The following GRM8 variants were observed in gnomAD, a reference collection of about 807,000 sequenced individuals.
GRM8 encodes the protein glutamate metabotropic receptor 8, also known as metabotropic glutamate receptor 8.
A neutral mutation model predicts 87.2 loss-of-function variants in GRM8; 47 were observed. That is an observed-to-expected ratio of 0.54 (90% CI 0.43 to 0.69). GRM8 has a LOEUF of 0.69. Among genes scored for constraint, GRM8 ranks in the 30% least tolerant of loss-of-function variants. The pLI is 0.00. For synonymous variants in GRM8, 396 were observed against 404.5 expected, an observed-to-expected ratio of 0.98 and a Z score of 0.25; for missense variants, 1,019 against 1,139.2, an observed-to-expected ratio of 0.89 and a Z score of 1.52.
At chr7:126,797,553 G>A (rs1822099404) in intron 6 of GRM8, among the ~76,000 whole-genome samples, 1 of 151,966 alleles carries the variant, frequency 6.6e-6, no homozygotes, top group Admixed American at 6.6e-5. Flanking sequence ...CCAGCAGTGT[G>A]CAAATTTATC....
At chr7:126,939,126 T>C (rs971399727) in intron 3 of GRM8, among the ~76,000 whole-genome samples, 6 of 152,172 alleles carry the variant, frequency 3.9e-5, no homozygotes, top group Admixed American at 3.9e-4. Flanking sequence ...CATTGTTCTA[T>C]GAGACTGACC....
intron 2 of GRM8, among the ~76,000 whole-genome samples, chr7:127,137,865 A>G (rs1265174561): frequency 1.3e-5 from 2 of 152,190 alleles, no homozygotes; most frequent in Non-Finnish European, 2.9e-5. Flanking sequence ...GTGAAAAAGT[A>G]AAGAAATTAA....
intron 8 of GRM8, among the ~76,000 whole-genome samples, chr7:126,606,880 C>T (rs749936951): frequency 2.0e-5 from 3 of 152,000 alleles, no homozygotes; most frequent in Admixed American, 6.6e-5. Flanking sequence ...CTACATTATG[C>T]GTATATGGCG....
intron 7 of GRM8, among the ~76,000 whole-genome samples, chr7:126,614,023 A>G (rs1799190505): frequency 1.3e-5 from 2 of 152,192 alleles, no homozygotes; most frequent in South Asian, 4.1e-4. Flanking sequence ...AGCTTTGAAG[A>G]GAGTAGTGGT....
chr7:126,743,016 A>T (rs1815195981), intron 7 of GRM8, among the ~76,000 whole-genome samples: 1 of 152,124 alleles, frequency 6.6e-6, no homozygotes, highest in African/African-American at 2.4e-5. Flanking sequence ...AAATTTGTTG[A>T]AATCATATTT....
intron 3 of GRM8, among the ~76,000 whole-genome samples, chr7:127,093,007 C>T (rs1211738967): frequency 1.3e-5 from 2 of 152,216 alleles, no homozygotes; most frequent in Admixed American, 1.3e-4. Context: ...CATGTTCTTT[C>T]TTATTCAAAT....
intron 9 of GRM8, among the ~76,000 whole-genome samples, chr7:126,498,643 G>C (rs1314773386): frequency 6.6e-6 from 1 of 151,930 alleles, no homozygotes; most frequent in Non-Finnish European, 1.5e-5. Flanking sequence ...TCTGATTAAT[G>C]AGCTGGCAGT....
At chr7:127,073,517 C>A (rs1284721552) in intron 3 of GRM8, among the ~76,000 whole-genome samples, 1 of 152,110 alleles carries the variant, frequency 6.6e-6, no homozygotes, top group Non-Finnish European at 1.5e-5. Context: ...TCTGCATCAC[C>A]CACAAGACTC....
chr7:126,766,796 G>A (rs1284906944), intron 7 of GRM8, among the ~76,000 whole-genome samples: 1 of 152,090 alleles, frequency 6.6e-6, no homozygotes, highest in East Asian at 1.9e-4. Context: ...AGGGAGGTGG[G>A]TCAGCTGTCC....
chr7:126,523,498 ATTT>A (rs34139224), intron 9 of GRM8, among the ~76,000 whole-genome samples: 2 of 141,900 alleles, frequency 1.4e-5, no homozygotes, highest in Non-Finnish European at 1.6e-5. Context: ...AGACCTCTCA[ATTT>A]TTTTTTTTTT....
intron 9 of GRM8, among the ~76,000 whole-genome samples, chr7:126,517,964 T>G (rs753508208): frequency 1.1e-4 from 16 of 152,102 alleles, no homozygotes; most frequent in Admixed American, 7.9e-4. Context: ...CAAAAGTACT[T>G]TAAAGTGTTG....
At chr7:127,136,940 C>T (rs1012510569) in intron 2 of GRM8, among the ~76,000 whole-genome samples, 6 of 151,832 alleles carry the variant, frequency 4.0e-5, no homozygotes, top group African/African-American at 7.3e-5. Context: ...AGGATATTTA[C>T]ATATATTTCT....
At chr7:126,873,044 T>A (rs1265620922) in intron 6 of GRM8, among the ~76,000 whole-genome samples, 1 of 152,084 alleles carries the variant, frequency 6.6e-6, no homozygotes, top group East Asian at 1.9e-4. Context: ...TACTCTCTAC[T>A]CCAGTTTAAA....
At chr7:126,618,440 G>C (rs1799760693) in intron 7 of GRM8, among the ~76,000 whole-genome samples, 1 of 152,152 alleles carries the variant, frequency 6.6e-6, no homozygotes, top group African/African-American at 2.4e-5. Flanking sequence ...GAAAACCTGG[G>C]CAATACCATT....
intron 6 of GRM8, among the ~76,000 whole-genome samples, chr7:126,860,493 A>C (rs146173302): frequency 4.1e-4 from 63 of 152,318 alleles, no homozygotes; most frequent in African/African-American, 1.4e-3. Context: ...TGCCTCTACT[A>C]AGATACTTGC....
At chr7:126,596,414 T>C (rs1167511904) in intron 8 of GRM8, among the ~76,000 whole-genome samples, 1 of 152,180 alleles carries the variant, frequency 6.6e-6, no homozygotes, top group African/African-American at 2.4e-5. Flanking sequence ...ATTAGTAAAG[T>C]TGAACGTTTT....
intron 6 of GRM8, among the ~76,000 whole-genome samples, chr7:126,831,597 G>A (rs186188215): frequency 3.9e-4 from 59 of 152,268 alleles, no homozygotes; most frequent in Middle Eastern, 3.4e-3. Flanking sequence ...TCCAGGTGCC[G>A]TCTGTCACCC....
chr7:127,078,650 T>C (rs950739013), intron 3 of GRM8, among the ~76,000 whole-genome samples: 3 of 152,248 alleles, frequency 2.0e-5, no homozygotes, highest in African/African-American at 7.2e-5. Flanking sequence ...CGACAGAGGA[T>C]ATCAACCTGA....
At chr7:127,236,369 T>A (rs1797980844) in intron 2 of GRM8, among the ~76,000 whole-genome samples, 1 of 152,248 alleles carries the variant, frequency 6.6e-6, no homozygotes, top group Non-Finnish European at 1.5e-5. Context: ...GGGTAATTTA[T>A]AAACGAAAGA....
Sources: allele counts gnomAD v4.1 joint callset (sites outside exome capture counted in the v4.1 genomes callset), GRCh38; gene constraint gnomAD v4.1.1; transcripts MANE v1.5; gene names NCBI Gene and HGNC (gene_info 2026-07-23, HGNC 2026-07-21).